SCN3B: variants seen among roughly 807,000 people sequenced by gnomAD.
SCN3B encodes sodium channel regulatory subunit beta-3.
In SCN3B, 11 loss-of-function variants were observed where a neutral mutation model predicts 25.4. The ratio of observed to expected loss-of-function variants is 0.43; its 90% CI spans 0.27 to 0.72. The LOEUF (loss-of-function observed/expected upper bound fraction) is 0.72, where lower values mean the gene tolerates loss of function less well. Among genes scored for constraint, SCN3B ranks in the 30% least tolerant of loss-of-function variants. The probability of loss-of-function intolerance (pLI) is 0.18; values close to 1 mark genes in which losing one functional copy is unlikely to be tolerated. For synonymous variants in SCN3B, 109 were observed against 110.7 expected (o/e 0.99, Z 0.09); for missense variants, 218 against 278.3 (o/e 0.78, Z 1.54).
chr11:123,634,608 G>A (rs1413777686), intron 5 of SCN3B, among the ~76,000 whole-genome samples: 2 of 152,200 alleles, frequency 1.3e-5, no homozygotes, highest in African/African-American at 4.8e-5. Flanking sequence ...CTGGCATGGT[G>A]GCACGTGCCT....
rs1955847358 is a variant in SCN3B at position 123,645,745 on chromosome 11, C to T, written c.61G>A (p.Val21Ile). The change falls in exon 3 of 7, where the codon GTC becomes ATC. Residue 21 changes from valine to isoleucine, a missense_variant. Transcript: ENST00000299333. Reference protein sequence around the residue: ...ASLVLIYWVSVCFPVCVEVPS... With the variant: ...ASLVLIYWVSICFPVCVEVPS... ...ACTTCCACACACACAGGGAAGCAGA[C>T]ACTGACTGCAGAGAGGACAGATGGA... 3 of 1,614,028 alleles carry T rather than the reference C, an allele frequency of 1.9e-6. No individual in the cohort carries two copies. The highest frequency in any genetic ancestry group is 1.1e-5 in the South Asian group (1 of 91,070).
chr11:123,646,157 G>A (rs72553918), intron 2 of SCN3B, among the ~76,000 whole-genome samples: 1,715 of 152,272 alleles, frequency 0.011, 10 homozygotes, highest in Admixed American at 0.017. Flanking sequence ...TCTGATGCTA[G>A]ACTAGAGATG....
intron 2 of SCN3B, among the ~76,000 whole-genome samples, chr11:123,649,823 C>A (rs1017472446): frequency 6.6e-6 from 1 of 152,038 alleles, no homozygotes; most frequent in Non-Finnish European, 1.5e-5. Flanking sequence ...CCTGCCTCAG[C>A]CCCCTGAGTA....
In SCN3B at chr11:123,653,839, A is replaced by G. The variant is rs372767973; in HGVS notation, c.-25-13T>C. On this transcript the variant is annotated splice_polypyrimidine_tract_variant and intron_variant, in intron 1 of 6. Coordinates refer to ENST00000299333, the MANE Select transcript of SCN3B (RefSeq NM_001040151.2). ...GCGGCTTCCAAGGCTACACAGAGAG[A>G]TTCCCTCGGTCAAGGACTGCGCCCT... is the stretch of plus-strand genomic sequence containing the variant. The G allele has an allele frequency of 1.1e-5, 18 of 1,611,160 alleles. No homozygotes were observed. The highest frequency in any genetic ancestry group is 3.3e-5 in the Admixed American group (2 of 60,000).
intron 2 of SCN3B, among the ~76,000 whole-genome samples, chr11:123,652,977 T>A (rs3851098): frequency 0.16 from 23,885 of 152,176 alleles, 1,968 homozygotes; most frequent in Admixed American, 0.22. Flanking sequence ...TGACACTCTC[T>A]TCAGCCTTTA....
intron 3 of SCN3B, among the ~76,000 whole-genome samples, chr11:123,644,792 AGAGAGAGAATATATATATAT>A (rs1313769348): frequency 1.2e-5 from 1 of 81,588 alleles, no homozygotes; most frequent in African/African-American, 4.5e-5. Flanking sequence ...AGAGAGAGAG[AGAGAGAGAATATATATATAT>A]ATATATATAT....
intron 2 of SCN3B, 125 bp downstream of exon 2, chr11:123,653,622 C>G: frequency 1.8e-6 from 2 of 1,093,768 alleles, no homozygotes; most frequent in East Asian, 4.7e-5. Context: ...ATCTCCATGT[C>G]TGGCAGATAC....
intron 3 of SCN3B, among the ~76,000 whole-genome samples, chr11:123,645,374 C>T (rs533289426): frequency 6.6e-6 from 1 of 152,146 alleles, no homozygotes; most frequent in African/African-American, 2.4e-5. Context: ...TCCTCCAGCC[C>T]ATAATCAAGG....
intron 2 of SCN3B, among the ~76,000 whole-genome samples, chr11:123,646,758 G>A (rs540007404): frequency 8.5e-5 from 13 of 152,156 alleles, no homozygotes; most frequent in Non-Finnish European, 1.5e-4. Flanking sequence ...CAAAACATGC[G>A]CAAATGTGAG....
chr11:123,653,725 A>T, intron 2 of SCN3B, 22 bp downstream of exon 2: 1 of 1,613,370 alleles, frequency 6.2e-7, no homozygotes, highest in Non-Finnish European at 8.5e-7. Context: ...TGCATCCGGC[A>T]TGGCGAGGTG....
At chr11:123,652,316 G>T (rs1955935776) in intron 2 of SCN3B, among the ~76,000 whole-genome samples, 1 of 152,194 alleles carries the variant, frequency 6.6e-6, no homozygotes, top group Non-Finnish European at 1.5e-5. Context: ...TCCAGGTCTG[G>T]TCTACTCTAC....
At position 123,629,864 on chromosome 11, in the gene SCN3B, TG is replaced by T. The variant is rs1229164181; in HGVS notation, c.*3934del. ...TTCTTTTTTCATTTTCATGTTAAAC[TG>T]GGAAAGGGGAAACTAAGATATATTC... On this transcript the variant is annotated 3_prime_UTR_variant, in exon 7 of 7. Transcript: ENST00000299333. 2 of 152,222 alleles carry T rather than the reference TG, an allele frequency of 1.3e-5. No homozygotes were observed. The highest frequency in any genetic ancestry group is 4.8e-5 in the African/African-American group (2 of 41,458). The allele number at this position is 152,222 out of a possible 1,614,324, so 9.4% of individuals were successfully genotyped here.
Position 123,633,106 on chromosome 11 carries a change from A to C in SCN3B, c.*693T>G, listed in dbSNP as rs1326531558. 2.0e-5 allele frequency: 3 copies of C among 152,184 alleles called. No homozygotes were observed. The highest frequency in any genetic ancestry group is 7.2e-5 in the African/African-American group (3 of 41,454). The allele number at this position is 152,184 out of a possible 1,614,324, so 9.4% of individuals were successfully genotyped here. On this transcript the variant is annotated 3_prime_UTR_variant, in exon 7 of 7. Coordinates refer to ENST00000299333, the MANE Select transcript of SCN3B (RefSeq NM_001040151.2). ...TGCATGACTTTTTAAGAGCCACTTAAATTACCATTGGTCCTTCCCAAGTCT... is the reference window on the plus strand; with the variant it reads ...TGCATGACTTTTTAAGAGCCACTTACATTACCATTGGTCCTTCCCAAGTCT...
intron 4 of SCN3B, among the ~76,000 whole-genome samples, chr11:123,641,409 T>G (rs779427691): frequency 1.3e-5 from 2 of 152,248 alleles, no homozygotes; most frequent in African/African-American, 2.4e-5. Context: ...CTCTGAGGAC[T>G]GAATCTCCGC....
intron 4 of SCN3B, among the ~76,000 whole-genome samples, chr11:123,641,836 GA>G (rs1488874092): frequency 1.3e-5 from 2 of 152,104 alleles, no homozygotes; most frequent in Non-Finnish European, 2.9e-5. Flanking sequence ...AAAGACAAAA[GA>G]AAAAAAGATT....
intron 4 of SCN3B, among the ~76,000 whole-genome samples, chr11:123,641,740 T>C (rs1035743433): frequency 2.0e-5 from 3 of 152,316 alleles, no homozygotes; most frequent in East Asian, 3.9e-4. Flanking sequence ...GCTATCAACC[T>C]GTCCCCTTCT....
intron 2 of SCN3B, among the ~76,000 whole-genome samples, chr11:123,651,986 A>C: frequency 6.6e-6 from 1 of 152,224 alleles, no homozygotes; most frequent in East Asian, 1.9e-4. Context: ...GTTATATAGT[A>C]AGCTAGTGGC....
chr11:123,637,175 C>T (rs1017406983), intron 5 of SCN3B, among the ~76,000 whole-genome samples: 2 of 152,198 alleles, frequency 1.3e-5, no homozygotes, highest in Non-Finnish European at 2.9e-5. Flanking sequence ...CAAATGTGCT[C>T]ACCCTCAAGT....
intron 5 of SCN3B, among the ~76,000 whole-genome samples, chr11:123,636,564 C>T (rs1955727071): frequency 6.6e-6 from 1 of 152,086 alleles, no homozygotes; most frequent in Non-Finnish European, 1.5e-5. Context: ...TTTAAAGATG[C>T]TTGGTGTTTA....
Sources: allele counts gnomAD v4.1 joint callset (sites outside exome capture counted in the v4.1 genomes callset), GRCh38; gene constraint gnomAD v4.1.1; transcripts MANE v1.5; gene names NCBI Gene and HGNC (gene_info 2026-07-23, HGNC 2026-07-21).